The following EDEM1 variants were observed in gnomAD, a reference collection of about 807,000 sequenced individuals.
EDEM1 encodes ER degradation enhancing alpha-mannosidase like protein 1.
A neutral mutation model predicts 74.4 loss-of-function variants in EDEM1; 67 were observed. The observed-to-expected ratio is 0.90, with a 90% CI of 0.74 to 1.10. The LOEUF (loss-of-function observed/expected upper bound fraction) is 1.10, where lower values mean the gene tolerates loss of function less well. EDEM1 is among the 50% of genes least tolerant of loss of function. The pLI is 0.00. For missense variants in EDEM1, 926 were observed against 851.6 expected, an observed-to-expected ratio of 1.09 and a Z score of -1.09; for synonymous variants, 382 against 335.9, an observed-to-expected ratio of 1.14 and a Z score of -1.50.
intron 5 of EDEM1, among the ~76,000 whole-genome samples, chr3:5,203,517 A>G (rs557756786): frequency 2.0e-5 from 3 of 152,292 alleles, no homozygotes; most frequent in African/African-American, 7.2e-5. Context: ...TTCCTTTTAA[A>G]AAATCTGGGC....
intron 1 of EDEM1, among the ~76,000 whole-genome samples, chr3:5,190,301 ACAGACTGTTTCT>A (rs2054886264): frequency 6.6e-6 from 1 of 152,256 alleles, no homozygotes; most frequent in Non-Finnish European, 1.5e-5. Flanking sequence ...ATTCCTGCTC[ACAGACTGTTTCT>A]CAGATTACCT....
At chr3:5,211,935 A>G (rs2055173709) in intron 10 of EDEM1, among the ~76,000 whole-genome samples, 1 of 152,108 alleles carries the variant, frequency 6.6e-6, no homozygotes, top group South Asian at 2.1e-4. Flanking sequence ...TTTCCTCAGT[A>G]TGGCCACATA....
chr3:5,215,925 C>T lies in EDEM1; in HGVS notation c.*7C>T, dbSNP rs770619638. On this transcript the variant is annotated 3_prime_UTR_variant, in exon 12 of 12. Transcript: ENST00000256497. ...GATGGTTGGTTTGATTTGATCTGCT[C>T]TCTGTGAGGCCTCATCTTGAACCAG... 1.2e-6 allele frequency: 2 copies of T among 1,610,378 alleles called. No individual in the cohort carries two copies. Among genetic ancestry groups the T allele is most frequent in the South Asian group, 2.2e-5 (2 of 90,340 alleles).
At chr3:5,212,152 A>G (rs534909977) in intron 10 of EDEM1, among the ~76,000 whole-genome samples, 1 of 152,376 alleles carries the variant, frequency 6.6e-6, no homozygotes, top group Non-Finnish European at 1.5e-5. Flanking sequence ...AAGCGGGCTC[A>G]GAAATCTGTC....
chr3:5,214,903 TTGTC>T (rs1353879472), intron 11 of EDEM1, among the ~76,000 whole-genome samples: 2 of 152,318 alleles, frequency 1.3e-5, no homozygotes, highest in East Asian at 3.9e-4. Context: ...TCCTAGGCGT[TTGTC>T]TGTAGTGCTG....
At chr3:5,208,845 T>C (rs2055132415) in intron 8 of EDEM1, among the ~76,000 whole-genome samples, 1 of 151,910 alleles carries the variant, frequency 6.6e-6, no homozygotes, top group Admixed American at 6.6e-5. Context: ...AGAGGGAATG[T>C]GACTTTAACT....
rs528532914 is a variant in EDEM1 at position 5,217,998 on chromosome 3, G to C, written c.*2080G>C. 1 of 152,230 alleles carries C rather than the reference G, an allele frequency of 6.6e-6. No homozygotes were observed. Among genetic ancestry groups the C allele is most frequent in the Non-Finnish European group, 1.5e-5 (1 of 68,058 alleles). 9.4% of individuals were successfully genotyped at this position (152,230 alleles called of 1,614,324 possible). ...GGCAGTGGTGGGTAAGCACTCCAGT[G>C]TTCTCTTAATGAGGCACTTTGCCTG... On this transcript the variant is annotated 3_prime_UTR_variant, in exon 12 of 12. Transcript: ENST00000256497.
chr3:5,209,735 C>G (rs1280755177), intron 8 of EDEM1, among the ~76,000 whole-genome samples: 1 of 152,164 alleles, frequency 6.6e-6, no homozygotes, highest in African/African-American at 2.4e-5. Context: ...TTCGGAAAGT[C>G]TTGTTCCCAT....
rs1389395921 is a variant in EDEM1, at chr3:5,217,357, A to T, written c.*1439A>T. Reference sequence around the variant, plus strand: ...TGGGTGGAAACGCATTCTAGTAAAAAAGGTAGGAAATCCCTAAAACTTCCA... The same window carrying T: ...TGGGTGGAAACGCATTCTAGTAAAATAGGTAGGAAATCCCTAAAACTTCCA... On this transcript the variant is annotated 3_prime_UTR_variant, in exon 12 of 12. Transcript: ENST00000256497. The T allele has an allele frequency of 2.0e-5, 3 of 152,674 alleles. No homozygotes were observed. The highest frequency in any genetic ancestry group is 4.4e-5 in the Non-Finnish European group (3 of 68,062). 9.5% of individuals were successfully genotyped at this position (152,674 alleles called of 1,614,324 possible).
At chr3:5,195,444 GA>G (rs1448495206) in intron 2 of EDEM1, among the ~76,000 whole-genome samples, 163 bp downstream of exon 2, 2 of 152,068 alleles carry the variant, frequency 1.3e-5, no homozygotes, top group Non-Finnish European at 2.9e-5. Flanking sequence ...GGGAGAACAA[GA>G]AAAGTGTTGA....
chr3:5,200,898 A>T (rs1414988826), intron 3 of EDEM1, among the ~76,000 whole-genome samples: 5 of 148,310 alleles, frequency 3.4e-5, no homozygotes, highest in East Asian at 3.9e-4. Flanking sequence ...ATTAAATTAA[A>T]TTTTTTTTTT....
intron 11 of EDEM1, among the ~76,000 whole-genome samples, chr3:5,213,957 C>T (rs1187488771): frequency 6.6e-6 from 1 of 152,186 alleles, no homozygotes. Flanking sequence ...TTGATATGAT[C>T]CATCAGTGGA....
chr3:5,191,630 A>T (rs1407310903), intron 1 of EDEM1, among the ~76,000 whole-genome samples: 1 of 152,196 alleles, frequency 6.6e-6, no homozygotes, highest in Non-Finnish European at 1.5e-5. Context: ...GTACACATAG[A>T]AAATTTCGGT....
intron 1 of EDEM1, among the ~76,000 whole-genome samples, chr3:5,192,397 G>A (rs1362442428): frequency 6.6e-6 from 1 of 152,202 alleles, no homozygotes; most frequent in Non-Finnish European, 1.5e-5. Flanking sequence ...AAACACATAT[G>A]TTTGATTTTG....
intron 1 of EDEM1, among the ~76,000 whole-genome samples, chr3:5,190,145 G>A (rs1252459201): frequency 6.6e-6 from 1 of 151,880 alleles, no homozygotes; most frequent in African/African-American, 2.4e-5. Flanking sequence ...ATTTATTTTT[G>A]CCACTAGTTC....
chr3:5,192,771 C>A (rs1212594251), intron 1 of EDEM1, among the ~76,000 whole-genome samples: 2 of 152,006 alleles, frequency 1.3e-5, no homozygotes, highest in African/African-American at 4.8e-5. Context: ...ACTCCCACTT[C>A]CCCCTTATTT....
chr3:5,187,751 G>A lies in EDEM1; in HGVS notation c.-55G>A. On this transcript the variant is annotated 5_prime_UTR_variant, in exon 1 of 12. Coordinates refer to ENST00000256497, the MANE Select transcript of EDEM1 (RefSeq NM_014674.3). ...CTACGGGGCGAGCGCGGGGTGCGGT[G>A]GTCGGCGGGGAGGCCCCCGCGCTTT... is the stretch of plus-strand genomic sequence containing the variant. 2 of 1,461,884 alleles carry A rather than the reference G, an allele frequency of 1.4e-6. No individual in the cohort carries two copies. Among genetic ancestry groups the A allele is most frequent in the Non-Finnish European group, 1.8e-6 (2 of 1,107,042 alleles). 90.6% of individuals were successfully genotyped at this position (1,461,884 alleles called of 1,614,324 possible). A position where few individuals can be genotyped will look rare whatever the true frequency, so the allele number is the denominator to read the frequency against.
intron 2 of EDEM1, among the ~76,000 whole-genome samples, chr3:5,198,229 A>G (rs1397821591): frequency 6.6e-6 from 1 of 152,066 alleles, no homozygotes; most frequent in African/African-American, 2.4e-5. Context: ...TTGTATTTTT[A>G]GTAGAGACAA....
chr3:5,207,603 T>G (rs1180766613), intron 7 of EDEM1, among the ~76,000 whole-genome samples: 1 of 152,106 alleles, frequency 6.6e-6, no homozygotes, highest in Non-Finnish European at 1.5e-5. Context: ...GCCTCCTGGG[T>G]TCAAGAGATT....
Sources: allele counts gnomAD v4.1 joint callset (sites outside exome capture counted in the v4.1 genomes callset), GRCh38; gene constraint gnomAD v4.1.1; transcripts MANE v1.5; gene names NCBI Gene and HGNC (gene_info 2026-07-23, HGNC 2026-07-21).